Variants in VPS13A observed in about 807,000 individuals in gnomAD.
VPS13A encodes the protein vacuolar protein sorting 13 homolog A.
A neutral mutation model predicts 390.9 loss-of-function variants in VPS13A; 264 were observed. The observed-to-expected ratio is 0.68, with a 90% CI of 0.61 to 0.75. VPS13A has a LOEUF of 0.75. Ranked by LOEUF, VPS13A falls within the 30% of genes least tolerant of loss-of-function variation. The pLI, the probability that VPS13A is intolerant of heterozygous loss-of-function variation, is 0.00. For synonymous variants in VPS13A, 1,231 were observed against 1,227.1 expected (o/e 1.00, Z -0.07); for missense variants, 3,409 against 3,733.9 (o/e 0.91, Z 2.27).
At chr9:77,237,976 A>G in intron 17 of VPS13A, 26 bp from the exon 18 acceptor site, 1 of 1,528,278 alleles carries the variant, frequency 6.5e-7, no homozygotes, top group Non-Finnish European at 9.0e-7. Flanking sequence ...CTGATCGCTG[A>G]CTTTTTTCTT....
In VPS13A at chr9:77,416,153, A is replaced by G. The variant is rs1244469774; in HGVS notation, c.*147A>G. On this transcript the variant is annotated 3_prime_UTR_variant, in exon 72 of 72. Transcript: ENST00000360280. ...AAAAACAAAAACAAACAAAAAAACAAAAACAAAAAAACAAAACCAGAATCA... is the reference window on the plus strand; with the variant it reads ...AAAAACAAAAACAAACAAAAAAACAGAAACAAAAAAACAAAACCAGAATCA... 4.5e-6 allele frequency: 4 copies of G among 892,350 alleles called. No individual in the cohort carries two copies. Among genetic ancestry groups the G allele is most frequent in the African/African-American group, 1.7e-5 (1 of 59,160 alleles). The allele number at this position is 892,350 out of a possible 1,614,324, so 55.3% of individuals were successfully genotyped here.
intron 10 of VPS13A, among the ~76,000 whole-genome samples, chr9:77,215,494 T>C (rs1190775576): frequency 6.6e-6 from 1 of 152,260 alleles, no homozygotes; most frequent in Non-Finnish European, 1.5e-5. Context: ...ATTCGACTTA[T>C]TTCTCCTTTG....
intron 71 of VPS13A, among the ~76,000 whole-genome samples, chr9:77,412,530 G>A (rs1384934817): frequency 6.6e-6 from 1 of 152,166 alleles, no homozygotes; most frequent in South Asian, 2.1e-4. Flanking sequence ...AAAGGCCTTT[G>A]ACGAAATTCA....
chr9:77,318,625 T>C (rs202107186), intron 41 of VPS13A, 34 bp downstream of exon 41: 1 of 1,450,798 alleles, frequency 6.9e-7, no homozygotes, highest in East Asian at 2.3e-5. Flanking sequence ...TAACAGATAA[T>C]GATACGTATG....
At chr9:77,325,048 A>G (rs1443895633) in intron 45 of VPS13A, among the ~76,000 whole-genome samples, 2 of 152,092 alleles carry the variant, frequency 1.3e-5, no homozygotes, top group African/African-American at 4.8e-5. Flanking sequence ...CCAAGTTAAC[A>G]ACTATCTACA....
At chr9:77,345,775 C>T (rs1482495789) in intron 52 of VPS13A, among the ~76,000 whole-genome samples, 1 of 152,082 alleles carries the variant, frequency 6.6e-6, no homozygotes, top group Non-Finnish European at 1.5e-5. Context: ...ATTGCACTTC[C>T]ACTTTCCTTC....
At chr9:77,353,305 C>T (rs1831571745) in intron 53 of VPS13A, 104 bp from the exon 54 acceptor site, 2 of 813,984 alleles carry the variant, frequency 2.5e-6, no homozygotes, top group Non-Finnish European at 2.0e-6. Flanking sequence ...GAAGTAGGTG[C>T]CATTAATAGT....
intron 46 of VPS13A, among the ~76,000 whole-genome samples, chr9:77,333,951 A>T (rs1048606404): frequency 2.0e-5 from 3 of 152,352 alleles, no homozygotes; most frequent in Admixed American, 2.0e-4. Context: ...GATATATTAC[A>T]TAAATGTATA....
chr9:77,409,516 G>C (rs946184568), intron 71 of VPS13A, among the ~76,000 whole-genome samples: 3 of 152,148 alleles, frequency 2.0e-5, no homozygotes, highest in African/African-American at 7.2e-5. Flanking sequence ...AAAGGAGGAA[G>C]TTCGAATCCA....
chr9:77,283,093 TA>T (rs1452789215), intron 29 of VPS13A, among the ~76,000 whole-genome samples: 1 of 152,208 alleles, frequency 6.6e-6, no homozygotes, highest in Non-Finnish European at 1.5e-5. Context: ...TTTTGAAATT[TA>T]TAGCTACAGT....
intron 46 of VPS13A, 74 bp from the exon 47 acceptor site, chr9:77,337,181 C>G (rs1279308893): frequency 5.8e-6 from 8 of 1,390,700 alleles, no homozygotes; most frequent in Admixed American, 2.2e-5. Flanking sequence ...GTTTGTTATT[C>G]TAAAGCTGTA....
chr9:77,300,549 C>T (rs1247976187), intron 33 of VPS13A, among the ~76,000 whole-genome samples: 3 of 152,106 alleles, frequency 2.0e-5, no homozygotes, highest in African/African-American at 4.8e-5. Context: ...CTGGGAAACA[C>T]GGTGAAACCC....
intron 3 of VPS13A, among the ~76,000 whole-genome samples, chr9:77,204,563 CGTAT>C (rs1825527512): frequency 6.6e-6 from 1 of 152,050 alleles, no homozygotes; most frequent in Non-Finnish European, 1.5e-5. Context: ...TACATACATA[CGTAT>C]GTAACACACA....
chr9:77,348,509 G>A (rs750501560), intron 52 of VPS13A, among the ~76,000 whole-genome samples: 1 of 152,128 alleles, frequency 6.6e-6, no homozygotes, highest in Non-Finnish European at 1.5e-5. Context: ...GCTAATGCAT[G>A]TGGGGCTTAA....
chr9:77,228,779 A>T (rs1823662986), intron 17 of VPS13A, among the ~76,000 whole-genome samples: 1 of 152,152 alleles, frequency 6.6e-6, no homozygotes, highest in Non-Finnish European at 1.5e-5. Context: ...ACAGCTCCAC[A>T]TGGCTGGGGA....
Position 77,314,680 on chromosome 9 carries a change from A to G in VPS13A, c.4412+16A>G. 2 of 1,607,718 alleles carry G rather than the reference A, an allele frequency of 1.2e-6. No homozygotes were observed. Among genetic ancestry groups the G allele is most frequent in the Non-Finnish European group, 1.7e-6 (2 of 1,174,914 alleles). ...CAACTCCTCGGTATGTATTGTAATG[A>G]TGTTCTAAGGTTTTACTTGAGAAAT... On this transcript the variant is annotated intron_variant, in intron 37 of 71. Transcript: ENST00000360280.
chr9:77,407,688 AGTTTT>A, intron 71 of VPS13A, 81 bp downstream of exon 71: 1 of 1,132,920 alleles, frequency 8.8e-7, no homozygotes, highest in Non-Finnish European at 1.3e-6. Context: ...AATGCAGATA[AGTTTT>A]GTTTGGGGGT....
intron 32 of VPS13A, among the ~76,000 whole-genome samples, chr9:77,295,337 T>C (rs999085401): frequency 2.6e-5 from 4 of 152,282 alleles, no homozygotes; most frequent in African/African-American, 9.6e-5. Context: ...GACTAGATTT[T>C]TATTTTATCT....
At chr9:77,214,076 G>A (rs574342298) in intron 9 of VPS13A, among the ~76,000 whole-genome samples, 1 of 152,112 alleles carries the variant, frequency 6.6e-6, no homozygotes, top group East Asian at 1.9e-4. Flanking sequence ...AAGAGTTCAA[G>A]ACCAGCATAG....
Sources: allele counts gnomAD v4.1 joint callset (sites outside exome capture counted in the v4.1 genomes callset), GRCh38; gene constraint gnomAD v4.1.1; transcripts MANE v1.5; gene names NCBI Gene and HGNC (gene_info 2026-07-23, HGNC 2026-07-21).